Variants in CARMIL1 observed in about 807,000 individuals in gnomAD.
The protein encoded by CARMIL1 is F-actin-uncapping protein LRRC16A.
CARMIL1 carries 90 observed loss-of-function variants against 177.1 expected under a neutral mutation model. The ratio of observed to expected loss-of-function variants is 0.51; its 90% CI spans 0.43 to 0.61. CARMIL1 has a LOEUF of 0.61. CARMIL1 is among the 20% of genes least tolerant of loss of function. The pLI, the probability that CARMIL1 is intolerant of heterozygous loss-of-function variation, is 0.00. For missense variants in CARMIL1, 1,380 were observed against 1,667.0 expected (o/e 0.83, Z 3.00); for synonymous variants, 577 against 606.2 (o/e 0.95, Z 0.71).
intron 35 of CARMIL1, 40 bp from the exon 36 acceptor site, chr6:25,610,010 T>C (rs766318483): frequency 6.3e-7 from 1 of 1,575,232 alleles, no homozygotes; most frequent in Non-Finnish European, 8.6e-7. Context: ...TGGAATCCAG[T>C]TTGTGGAACA....
intron 5 of CARMIL1, among the ~76,000 whole-genome samples, chr6:25,447,131 T>C (rs1054589116): frequency 6.6e-6 from 1 of 152,160 alleles, no homozygotes; most frequent in African/African-American, 2.4e-5. Flanking sequence ...GTTGGAAAAA[T>C]GGCACTGATA....
At chr6:25,419,691 C>G (rs1321721973) in intron 2 of CARMIL1, among the ~76,000 whole-genome samples, 1 of 152,040 alleles carries the variant, frequency 6.6e-6, no homozygotes, top group East Asian at 1.9e-4. Context: ...AGCAAGAGGG[C>G]AAAGGTGGGA....
intron 1 of CARMIL1, among the ~76,000 whole-genome samples, chr6:25,281,337 T>C (rs890306629): frequency 6.6e-6 from 1 of 151,872 alleles, no homozygotes; most frequent in African/African-American, 2.4e-5. Flanking sequence ...GTCCTGAGAA[T>C]GAGTGTAGGG....
chr6:25,311,671 A>G (rs1055399960), intron 2 of CARMIL1, among the ~76,000 whole-genome samples: 3 of 151,874 alleles, frequency 2.0e-5, no homozygotes, highest in Non-Finnish European at 4.4e-5. Flanking sequence ...GCTGTAAATC[A>G]TTAGCCATCC....
chr6:25,315,572 C>T (rs1397111879), intron 2 of CARMIL1, among the ~76,000 whole-genome samples: 7 of 143,718 alleles, frequency 4.9e-5, no homozygotes, highest in Non-Finnish European at 1.0e-4. Flanking sequence ...TTCCCCCACC[C>T]GCCATTGTTT....
intron 29 of CARMIL1, among the ~76,000 whole-genome samples, chr6:25,561,334 C>T (rs1562286903): frequency 6.6e-6 from 1 of 152,114 alleles, no homozygotes; most frequent in South Asian, 2.1e-4. Flanking sequence ...AGTGAAGAGC[C>T]AGTGTCTGCT....
At chr6:25,516,110 G>A (rs372289670) in intron 21 of CARMIL1, among the ~76,000 whole-genome samples, 20 of 152,198 alleles carry the variant, frequency 1.3e-4, no homozygotes, top group East Asian at 3.9e-4. Flanking sequence ...TTCCTATTTC[G>A]CATCAGTGTT....
chr6:25,614,113 A>G (rs1229439160), intron 36 of CARMIL1, among the ~76,000 whole-genome samples: 1 of 152,228 alleles, frequency 6.6e-6, no homozygotes, highest in Non-Finnish European at 1.5e-5. Context: ...ATTTTCTTTG[A>G]TATAGGTTTT....
chr6:25,462,530 A>T (rs143292676), intron 8 of CARMIL1, among the ~76,000 whole-genome samples: 25 of 152,188 alleles, frequency 1.6e-4, no homozygotes, highest in Admixed American at 1.6e-3. Flanking sequence ...TGATTCATGC[A>T]TGATGGCGGC....
chr6:25,535,699 T>C (rs1434784945), intron 24 of CARMIL1, among the ~76,000 whole-genome samples: 1 of 152,236 alleles, frequency 6.6e-6, no homozygotes, highest in Non-Finnish European at 1.5e-5. Flanking sequence ...CCTTTATTTT[T>C]CGTATTTATG....
At chr6:25,513,853 A>G (rs1437326448) in intron 20 of CARMIL1, among the ~76,000 whole-genome samples, 1 of 152,316 alleles carries the variant, frequency 6.6e-6, no homozygotes, top group South Asian at 2.1e-4. Flanking sequence ...TGCAATAACC[A>G]TATAATTTGT....
At chr6:25,612,913 A>C in intron 36 of CARMIL1, 1 of 985,222 alleles carries the variant, frequency 1.0e-6, no homozygotes, top group Non-Finnish European at 1.2e-6. Context: ...ATCATCCCTC[A>C]CTGACCCGAA....
At chr6:25,585,530 A>T (rs1056991289) in intron 31 of CARMIL1, among the ~76,000 whole-genome samples, 2 of 148,130 alleles carry the variant, frequency 1.4e-5, no homozygotes, top group Non-Finnish European at 3.0e-5. Context: ...AAGAGTAGAT[A>T]ACCTATTTTT....
intron 2 of CARMIL1, among the ~76,000 whole-genome samples, chr6:25,371,737 G>C (rs1398607645): frequency 1.3e-5 from 2 of 152,092 alleles, no homozygotes; most frequent in South Asian, 2.1e-4. Context: ...ATGGTGATTT[G>C]CTGTGCAGAA....
chr6:25,452,756 G>A (rs1215031184), intron 8 of CARMIL1, among the ~76,000 whole-genome samples: 1 of 152,178 alleles, frequency 6.6e-6, no homozygotes, highest in Non-Finnish European at 1.5e-5. Context: ...TCACAAAATT[G>A]TGATATGTTG....
At chr6:25,492,405 T>C (rs919638335) in intron 15 of CARMIL1, among the ~76,000 whole-genome samples, 4 of 152,210 alleles carry the variant, frequency 2.6e-5, no homozygotes, top group Non-Finnish European at 5.9e-5. Context: ...TCAAAGCTCA[T>C]GCATTTTCAC....
At chr6:25,385,790 T>G (rs1792100415) in intron 2 of CARMIL1, among the ~76,000 whole-genome samples, 1 of 152,216 alleles carries the variant, frequency 6.6e-6, no homozygotes, top group Admixed American at 6.5e-5. Context: ...GCTCTTGAAT[T>G]TTTCCAAGAC....
intron 36 of CARMIL1, among the ~76,000 whole-genome samples, chr6:25,618,783 A>G (rs1455372783): frequency 6.6e-6 from 1 of 152,208 alleles, no homozygotes; most frequent in Non-Finnish European, 1.5e-5. Context: ...GGCAACAATA[A>G]TGGTAATTCT....
intron 29 of CARMIL1, among the ~76,000 whole-genome samples, chr6:25,565,284 G>T (rs1171584394): frequency 2.0e-5 from 3 of 152,228 alleles, no homozygotes; most frequent in African/African-American, 7.2e-5. Context: ...AGCCACCAAA[G>T]GTGAGGAAGC....
Sources: gnomAD v4.1 joint callset for allele counts (sites outside exome capture counted in the v4.1 genomes callset) on GRCh38, gnomAD v4.1.1 for gene constraint, MANE v1.5 for transcripts, NCBI Gene and HGNC (gene_info 2026-07-23, HGNC 2026-07-21) for gene names.